The following NPAS3 variants were observed in gnomAD, a reference collection of about 807,000 sequenced individuals.
The protein encoded by NPAS3 is neuronal PAS domain protein 3.
A neutral mutation model predicts 73.1 loss-of-function variants in NPAS3; 14 were observed. The observed-to-expected ratio is 0.19, with a 90% CI of 0.13 to 0.30. The LOEUF (loss-of-function observed/expected upper bound fraction) is 0.30. NPAS3 is among the 10% of genes least tolerant of loss of function. The probability of loss-of-function intolerance (pLI) is 1.00; values close to 1 mark genes in which losing one functional copy is unlikely to be tolerated. For missense variants in NPAS3, 1,096 were observed against 1,250.0 expected, an observed-to-expected ratio of 0.88 and a Z score of 1.86; for synonymous variants, 620 against 541.5, an observed-to-expected ratio of 1.14 and a Z score of -2.01.
chr14:33,162,079 T>C (rs1169279696), intron 2 of NPAS3, among the ~76,000 whole-genome samples: 3 of 152,246 alleles, frequency 2.0e-5, no homozygotes, highest in Non-Finnish European at 4.4e-5. Flanking sequence ...TGGCTGGCCC[T>C]GATGTATATT....
rs146733028 is a variant in NPAS3, at chr14:33,602,486, C to G, written c.558+42276C>G. ...ACACAGCACATTCAAGCACTAGGAA[C>G]GATACTTTACTCAGTCCCTCATGGT... On this transcript the variant is annotated intron_variant, in intron 5 of 11. Transcript: ENST00000356141. 1.1e-3 allele frequency among the ~76,000 whole-genome samples: 172 copies of G among 152,288 alleles called. 7 individuals carry two copies. In the East Asian group the frequency reaches 0.028, roughly 25 times the overall value.
intron 1 of NPAS3, among the ~76,000 whole-genome samples, chr14:32,981,896 T>G (rs1002446070): frequency 6.6e-6 from 1 of 152,220 alleles, no homozygotes; most frequent in Non-Finnish European, 1.5e-5. Context: ...TCATCCACTC[T>G]TAGGGTGTCA....
chr14:33,316,701 G>A (rs1313104052), intron 3 of NPAS3, among the ~76,000 whole-genome samples: 1 of 151,954 alleles, frequency 6.6e-6, no homozygotes, highest in Non-Finnish European at 1.5e-5. Context: ...AAAGTTGCAG[G>A]CCCTCTTGTG....
chr14:33,153,754 A>G (rs2044544244), intron 2 of NPAS3, among the ~76,000 whole-genome samples: 1 of 152,122 alleles, frequency 6.6e-6, no homozygotes, highest in Admixed American at 6.5e-5. Flanking sequence ...TCTCAGTTCC[A>G]TGGGTGACTG....
At position 33,366,135 on chromosome 14, in the gene NPAS3, G is replaced by C. The variant is rs12432607; in HGVS notation, c.386-1051G>C. On this transcript the variant is annotated intron_variant, in intron 3 of 11. Transcript: ENST00000356141. ...ATGTCCTCACTTTTGATTTCTGTACGTCACTTCCCTCTTTTGTCTATAAAT... is the reference window on the plus strand; with the variant it reads ...ATGTCCTCACTTTTGATTTCTGTACCTCACTTCCCTCTTTTGTCTATAAAT... 5.3e-3 allele frequency among the ~76,000 whole-genome samples: 801 copies of C among 152,132 alleles called. 36 individuals carry two copies. The highest frequency in any genetic ancestry group is 0.048 in the Admixed American group (737 of 15,274).
intron 6 of NPAS3, among the ~76,000 whole-genome samples, chr14:33,726,796 C>G (rs562381582): frequency 2.6e-4 from 39 of 152,190 alleles, no homozygotes; most frequent in South Asian, 8.3e-4. Context: ...TGGGTTTAAT[C>G]ACAACATTGT....
At chr14:33,031,547 C>T (rs950793135) in intron 1 of NPAS3, among the ~76,000 whole-genome samples, 3 of 152,152 alleles carry the variant, frequency 2.0e-5, no homozygotes, top group Admixed American at 2.0e-4. Flanking sequence ...GGCTGGAGTG[C>T]AGTGGTGTGA....
chr14:33,793,828 T>TAAA (rs36025922), intron 9 of NPAS3, 69 bp from the exon 10 acceptor site: 25 of 1,320,642 alleles, frequency 1.9e-5, no homozygotes, highest in African/African-American at 7.5e-5. Context: ...TTTGCAGAGA[T>TAAA]AAAAAAAAAA....
At chr14:33,585,064 C>CT (rs111657607) in intron 5 of NPAS3, among the ~76,000 whole-genome samples, 12,652 of 150,880 alleles carry the variant, frequency 0.084, 1,205 homozygotes, top group African/African-American at 0.23. Context: ...AAGTTCAATT[C>CT]TTTCTTTTTT....
intron 6 of NPAS3, among the ~76,000 whole-genome samples, chr14:33,685,143 C>CAT: frequency 6.6e-6 from 1 of 152,154 alleles, no homozygotes; most frequent in Non-Finnish European, 1.5e-5. Flanking sequence ...ACATACAAAA[C>CAT]ACCAAGGAAA....
intron 1 of NPAS3, among the ~76,000 whole-genome samples, chr14:33,027,146 C>T (rs2039832951): frequency 2.0e-5 from 3 of 152,142 alleles, no homozygotes; most frequent in Admixed American, 1.3e-4. Context: ...GGACCACCAG[C>T]GTTGGCAGGG....
At chr14:33,633,847 C>T (rs1171751559) in intron 5 of NPAS3, among the ~76,000 whole-genome samples, 1 of 152,044 alleles carries the variant, frequency 6.6e-6, no homozygotes, top group Non-Finnish European at 1.5e-5. Context: ...GTTGTGGTGG[C>T]GTGCTCCTGT....
chr14:33,503,821 A>T (rs2052630591), intron 4 of NPAS3, among the ~76,000 whole-genome samples: 1 of 152,030 alleles, frequency 6.6e-6, no homozygotes, highest in Non-Finnish European at 1.5e-5. Flanking sequence ...CTTTTACTCT[A>T]CATTTCATTT....
At chr14:33,431,829 C>T (rs551274334) in intron 4 of NPAS3, among the ~76,000 whole-genome samples, 1 of 151,908 alleles carries the variant, frequency 6.6e-6, no homozygotes, top group Admixed American at 6.5e-5. Context: ...TCTCCTAACC[C>T]CACCTATTAC....
intron 4 of NPAS3, among the ~76,000 whole-genome samples, chr14:33,388,329 T>A (rs1362567893): frequency 1.3e-5 from 2 of 152,084 alleles, no homozygotes; most frequent in Non-Finnish European, 2.9e-5. Flanking sequence ...GTGCAGATAT[T>A]CCCAGAGTGA....
chr14:33,052,825 G>C (rs1230918397), intron 1 of NPAS3, among the ~76,000 whole-genome samples: 1 of 152,010 alleles, frequency 6.6e-6, no homozygotes, highest in Non-Finnish European at 1.5e-5. Context: ...TGATTTTCAA[G>C]CCTGCCATTT....
At chr14:33,041,616 G>T (rs1379431427) in intron 1 of NPAS3, among the ~76,000 whole-genome samples, 5 of 152,148 alleles carry the variant, frequency 3.3e-5, no homozygotes, top group Non-Finnish European at 7.3e-5. Flanking sequence ...CTAGGGGTTT[G>T]GTCTAGGTCC....
At chr14:33,106,738 C>T (rs767650015) in intron 2 of NPAS3, among the ~76,000 whole-genome samples, 19 of 152,032 alleles carry the variant, frequency 1.2e-4, no homozygotes, top group East Asian at 3.9e-4. Flanking sequence ...ATCTACTTAC[C>T]GCAGAACTGA....
In NPAS3 at chr14:33,404,039, C is replaced by T. The variant is rs1327186090; in HGVS notation, c.468+36771C>T. On this transcript the variant is annotated intron_variant, in intron 4 of 11. Transcript: ENST00000356141. ...AAGCAGCAGTAATCGTGATGCACAG[C>T]GTCCTTTCAGGTACCTGGGAAGTGG... Among the ~76,000 whole-genome samples the T allele has an allele frequency of 7.2e-5, 11 of 152,164 alleles. No homozygotes were observed. The East Asian group carries it at 1.2e-3, about 16-fold the overall frequency.
Sources: allele counts gnomAD v4.1 joint callset (sites outside exome capture counted in the v4.1 genomes callset), GRCh38; gene constraint gnomAD v4.1.1; transcripts MANE v1.5; gene names NCBI Gene and HGNC (gene_info 2026-07-23, HGNC 2026-07-21).